Variants in RABAC1 observed in about 807,000 individuals in gnomAD.
The protein encoded by RABAC1 is prenylated Rab acceptor protein 1.
A neutral mutation model predicts 22.9 loss-of-function variants in RABAC1; 16 were observed. The observed-to-expected ratio is 0.70, with a 90% CI of 0.47 to 1.06. RABAC1 has a LOEUF of 1.06. Among genes scored for constraint, RABAC1 ranks in the 50% least tolerant of loss-of-function variants. The pLI, the probability that RABAC1 is intolerant of heterozygous loss-of-function variation, is 0.00. For synonymous variants in RABAC1, 139 were observed against 107.7 expected (o/e 1.29, Z -1.80); for missense variants, 227 against 246.5 (o/e 0.92, Z 0.53).
chr19:41,958,669 T>G, intron 2 of RABAC1, 67 bp downstream of exon 2: 1 of 1,513,766 alleles, frequency 6.6e-7, no homozygotes, highest in Non-Finnish European at 9.0e-7. Flanking sequence ...GGGCGGGGCC[T>G]GAGCGGCGAG....
At chr19:41,958,485 G>A (rs2075000247) in intron 2 of RABAC1, 102 bp from the exon 3 acceptor site, 1 of 1,151,410 alleles carries the variant, frequency 8.7e-7, no homozygotes, top group Non-Finnish European at 1.3e-6. Flanking sequence ...ACATCCTGGA[G>A]ACCAGGGAGG....
chr19:41,958,186 G>C, intron 3 of RABAC1, 100 bp downstream of exon 3: 3 of 1,158,298 alleles, frequency 2.6e-6, no homozygotes, highest in Non-Finnish European at 3.8e-6. Flanking sequence ...GGGCGGACTT[G>C]GGTTTTGAAG....
At chr19:41,957,845 C>T (rs1555856913) in intron 3 of RABAC1, 1 of 170,786 alleles carries the variant, frequency 5.9e-6, no homozygotes, top group Non-Finnish European at 1.3e-5. Context: ...AAACATACTC[C>T]TCGGCTTCCC....
In RABAC1 at chr19:41,958,338, G is replaced by T; in HGVS notation, c.315C>A (p.Gly105=). 1 of 1,613,560 alleles carries T rather than the reference G, an allele frequency of 6.2e-7. No homozygotes were observed. The highest frequency in any genetic ancestry group is 2.2e-5 in the East Asian group (1 of 44,886). The change falls in exon 3 of 5, where the codon GGC becomes GGA. Residue 105 remains glycine (G), a synonymous_variant. Coordinates refer to ENST00000222008, the MANE Select transcript of RABAC1 (RefSeq NM_006423.3). ...TGCGCAGATAGAGAATGTAACAGGC[G>T]CCGAAAAAGACAGCCAGAGCCACCA... ...MLLVALAVFF[G]ACYILYLRTL...
At position 41,956,854 on chromosome 19, in the gene RABAC1, G is replaced by T; in HGVS notation, c.550C>A (p.Pro184Thr). 1 of 1,610,988 alleles carries T rather than the reference G, an allele frequency of 6.2e-7. No homozygotes were observed. The highest frequency in any genetic ancestry group is 8.5e-7 in the Non-Finnish European group (1 of 1,178,850). The stretch of plus-strand genomic sequence containing the variant: ...AGGTCCCAGAAGACACCTCACACGG[G>T]TTCCATCTGCAGCTCCTCCCCGTCC... ...AVDGEELQMEPV is the reference protein window; with the variant it reads ...AVDGEELQMETV Residue 184 changes from proline (P) to threonine (T), a missense_variant, in exon 5 of 5, where the codon CCC becomes ACC. Pro to Thr is a conservative substitution (Grantham distance 38). Transcript: ENST00000222008.
chr19:41,957,935 T>C (rs753462539), intron 3 of RABAC1: 45 of 289,444 alleles, frequency 1.6e-4, no homozygotes, highest in East Asian at 4.3e-4. Context: ...CAGTGTAAGG[T>C]GGCCACCTGG....
rs1555856740 is a variant in RABAC1, at chr19:41,956,884, C to G, written c.520G>C (p.Ala174Pro). 6.2e-7 allele frequency: 1 copy of G among 1,612,716 alleles called. No homozygotes were observed. The highest frequency in any genetic ancestry group is 2.2e-5 in the East Asian group (1 of 44,862). Residue 174 changes from alanine to proline, a missense_variant, in exon 5 of 5, where the codon GCT becomes CCT. Coordinates refer to ENST00000222008, the MANE Select transcript of RABAC1 (RefSeq NM_006423.3). Reference sequence around the variant, plus strand: ...ATCTGCAGCTCCTCCCCGTCCACAGCCTCAATCTGGTGGAAGGCAGCGTGG... The same window carrying G: ...ATCTGCAGCTCCTCCCCGTCCACAGGCTCAATCTGGTGGAAGGCAGCGTGG... ...GSHAAFHQIEAVDGEELQMEP... is the reference protein window; with the variant it reads ...GSHAAFHQIEPVDGEELQMEP...
Position 41,958,847 on chromosome 19 carries a change from C to T in RABAC1, c.158G>A (p.Arg53His). The T allele has an allele frequency of 6.2e-7, 1 of 1,608,836 alleles. No individual in the cohort carries two copies. Among genetic ancestry groups the T allele is most frequent in the South Asian group, 1.1e-5 (1 of 90,978 alleles). ...TCCCAGGTTGCGGGGCCGTGAGAAG[C>T]GCTGCTGGTCCACGAAGGTGCTCCA... is the stretch of plus-strand genomic sequence containing the variant. ...RPWSTFVDQQ[R>H]FSRPRNLGEL... Residue 53 changes from arginine (R) to histidine (H), a missense_variant, in exon 2 of 5, where the codon CGC becomes CAC. Arg to His is a conservative substitution (Grantham distance 29). Coordinates refer to ENST00000222008, the MANE Select transcript of RABAC1 (RefSeq NM_006423.3).
At chr19:41,957,771 G>C (rs1323472461) in intron 3 of RABAC1, 2 of 159,996 alleles carry the variant, frequency 1.3e-5, no homozygotes, top group African/African-American at 2.4e-5. Flanking sequence ...TCCCCTGGGG[G>C]GAATTTCCCC....
At chr19:41,957,353 C>T in intron 3 of RABAC1, 1 of 539,650 alleles carries the variant, frequency 1.9e-6, no homozygotes, top group South Asian at 2.3e-5. Context: ...TGCCCTCTGC[C>T]CCACATCCTC....
At chr19:41,959,135 C>A in intron 1 of RABAC1, 102 bp downstream of exon 1, 2 of 1,520,204 alleles carry the variant, frequency 1.3e-6, no homozygotes, top group Non-Finnish European at 1.8e-6. Context: ...ACTTCTGCGG[C>A]TCGGGGCTGG....
At chr19:41,958,482 G>C in intron 2 of RABAC1, 99 bp from the exon 3 acceptor site, 1 of 1,165,448 alleles carries the variant, frequency 8.6e-7, no homozygotes, top group Non-Finnish European at 1.3e-6. Flanking sequence ...GCTACATCCT[G>C]GAGACCAGGG....
At chr19:41,959,050 G>A (rs2075003781) in intron 1 of RABAC1, 102 bp from the exon 2 acceptor site, 4 of 1,366,958 alleles carry the variant, frequency 2.9e-6, no homozygotes, top group Non-Finnish European at 3.9e-6. Context: ...CGGGACCCCA[G>A]ATTCCTGTAC....
rs2075002326 is a variant in RABAC1 at position 41,958,837 on chromosome 19, C to A, written c.168G>T (p.Arg56=). 1 of 1,609,848 alleles carries A rather than the reference C, an allele frequency of 6.2e-7. No individual in the cohort carries two copies. The highest frequency in any genetic ancestry group is 2.2e-5 in the East Asian group (1 of 44,844). The change falls in exon 2 of 5, where the codon CGG becomes CGT. Residue 56 remains arginine (R), a synonymous_variant. Coordinates refer to ENST00000222008, the MANE Select transcript of RABAC1 (RefSeq NM_006423.3). ...STFVDQQRFS[R]PRNLGELCQR... ...GGCACAGCTCTCCCAGGTTGCGGGG[C>A]CGTGAGAAGCGCTGCTGGTCCACGA...
At chr19:41,959,066 G>T in intron 1 of RABAC1, 118 bp from the exon 2 acceptor site, 1 of 1,327,950 alleles carries the variant, frequency 7.5e-7, no homozygotes, top group Non-Finnish European at 1.0e-6. Context: ...TGTACAGCAG[G>T]CAGGGAGGGG....
At chr19:41,959,068 A>C in intron 1 of RABAC1, 120 bp from the exon 2 acceptor site, 1 of 1,332,674 alleles carries the variant, frequency 7.5e-7, no homozygotes, top group Non-Finnish European at 1.0e-6. Context: ...TACAGCAGGC[A>C]GGGAGGGGAC....
chr19:41,958,991 C>T (rs781959225), intron 1 of RABAC1, 43 bp from the exon 2 acceptor site: 383 of 1,500,238 alleles, frequency 2.6e-4, no homozygotes, highest in Non-Finnish European at 3.3e-4. Context: ...CGGGATGGAG[C>T]CCCAGACCCC....
rs1176550691 is a variant in RABAC1 at position 41,958,895 on chromosome 19, C to G, written c.110G>C (p.Arg37Pro). ...CCAGGGCCGGATGGTCGCGCGGCGC[C>G]GCTCCAGCCACTCCCGGCCTGCACC... ...PSGAGREWLERRRATIRPWST... is the reference protein window; with the variant it reads ...PSGAGREWLEPRRATIRPWST... Residue 37 changes from arginine to proline, a missense_variant, in exon 2 of 5, where the codon CGG becomes CCG. Arg to Pro is a moderately radical substitution (Grantham distance 103). Coordinates refer to ENST00000222008, the MANE Select transcript of RABAC1 (RefSeq NM_006423.3). 3.8e-6 allele frequency: 6 copies of G among 1,593,790 alleles called. No homozygotes were observed. The highest frequency in any genetic ancestry group is 5.1e-6 in the Non-Finnish European group (6 of 1,174,808).
intron 3 of RABAC1, chr19:41,957,507 T>G (rs1217755540): frequency 1.0e-5 from 2 of 194,198 alleles, no homozygotes; most frequent in African/African-American, 4.7e-5. Flanking sequence ...TTTGCAAGGA[T>G]GTGATTTGTG....
Sources: allele counts gnomAD v4.1 joint callset, GRCh38; gene constraint gnomAD v4.1.1; transcripts MANE v1.5; gene names NCBI Gene and HGNC (gene_info 2026-07-23, HGNC 2026-07-21).